Variants in EPB41 observed in about 807,000 individuals in gnomAD.
EPB41 encodes erythrocyte membrane protein band 4.1, also known as protein 4.1.
A neutral mutation model predicts 108.0 loss-of-function variants in EPB41; 65 were observed. The observed-to-expected ratio is 0.60, with a 90% confidence interval of 0.49 to 0.74. The LOEUF is 0.74. Ranked by LOEUF, EPB41 falls within the 30% of genes least tolerant of loss-of-function variation. The probability of loss-of-function intolerance (pLI) is 0.00; values close to 1 mark genes in which losing one functional copy is unlikely to be tolerated. For synonymous variants in EPB41, 336 were observed against 358.9 expected (o/e 0.94, Z 0.72); for missense variants, 875 against 1,037.0 (o/e 0.84, Z 2.15).
intron 1 of EPB41, among the ~76,000 whole-genome samples, chr1:28,946,343 G>A (rs530397507): frequency 5.3e-5 from 8 of 152,166 alleles, no homozygotes; most frequent in African/African-American, 1.7e-4. Flanking sequence ...TCCTGACCTC[G>A]TGATCCACCT....
intron 4 of EPB41, among the ~76,000 whole-genome samples, chr1:28,997,919 A>G (rs995797335): frequency 2.0e-5 from 3 of 152,186 alleles, no homozygotes; most frequent in Non-Finnish European, 4.4e-5. Flanking sequence ...TTACCTCAGA[A>G]CACTTTAATT....
chr1:29,068,658 T>C (rs1649665009), intron 16 of EPB41: 3 of 913,458 alleles, frequency 3.3e-6, no homozygotes, highest in African/African-American at 3.4e-5. Context: ...TCTCTGGGGA[T>C]ACCTCTTCCA....
At chr1:29,053,531 C>T in intron 12 of EPB41, 2 of 587,640 alleles carry the variant, frequency 3.4e-6, no homozygotes, top group South Asian at 4.2e-5. Flanking sequence ...ATAAGGTGAC[C>T]CACTCCTTGA....
At chr1:29,065,350 A>G in intron 16 of EPB41, 192 bp downstream of exon 16, 2 of 1,038,916 alleles carry the variant, frequency 1.9e-6, no homozygotes, top group Admixed American at 7.0e-5. Flanking sequence ...ACCCAGTGCA[A>G]TTATAGGAGC....
In EPB41 at chr1:29,000,819, AAC is replaced by A. The variant is rs565343382; in HGVS notation, c.786+3502_786+3503del. 2.9e-4 allele frequency among the ~76,000 whole-genome samples: 44 copies of A among 152,316 alleles called. No homozygotes were observed. In the East Asian group the frequency reaches 7.3e-3, roughly 25 times the overall value. ...AACCTCCAGCTCAGAAGTAAGTCAA[AAC>A]AGAGTGTTGTTTTTTTTTTTTAATT... On this transcript the variant is annotated intron_variant, in intron 4 of 20. Coordinates refer to ENST00000343067, the MANE Select transcript of EPB41 (RefSeq NM_001376013.1).
intron 1 of EPB41, among the ~76,000 whole-genome samples, chr1:28,948,721 C>T (rs976417582): frequency 5.3e-5 from 8 of 151,144 alleles, no homozygotes; most frequent in African/African-American, 1.5e-4. Flanking sequence ...GAGGCCAAGG[C>T]GGGCAGATCA....
At chr1:28,906,154 C>G (rs2091812271) in intron 1 of EPB41, among the ~76,000 whole-genome samples, 1 of 152,174 alleles carries the variant, frequency 6.6e-6, no homozygotes, top group South Asian at 2.1e-4. Context: ...AAAGTGCTCC[C>G]AGTCACCGGA....
At chr1:29,032,587 T>C (rs952179340) in intron 8 of EPB41, among the ~76,000 whole-genome samples, 45 of 152,208 alleles carry the variant, frequency 3.0e-4, no homozygotes, top group African/African-American at 9.9e-4. Context: ...AGGTGAAATT[T>C]ATTTTCTTTG....
intron 1 of EPB41, among the ~76,000 whole-genome samples, chr1:28,974,142 T>C (rs1243284555): frequency 6.6e-6 from 1 of 152,220 alleles, no homozygotes; most frequent in Non-Finnish European, 1.5e-5. Flanking sequence ...TAAAATAGAT[T>C]GCTCAGAACC....
intron 18 of EPB41, among the ~76,000 whole-genome samples, chr1:29,111,792 C>G (rs1669254702): frequency 6.6e-6 from 1 of 152,024 alleles, no homozygotes; most frequent in South Asian, 2.1e-4. Flanking sequence ...GCCTGGCCAA[C>G]ATAGTGAAAC....
chr1:28,953,018 T>G (rs2094800377), intron 1 of EPB41, among the ~76,000 whole-genome samples: 1 of 152,076 alleles, frequency 6.6e-6, no homozygotes, highest in Middle Eastern at 3.2e-3. Context: ...CATGAGCCAC[T>G]GCGCCCGGCC....
intron 4 of EPB41, among the ~76,000 whole-genome samples, chr1:29,010,735 C>T (rs1268199643): frequency 6.6e-6 from 1 of 152,062 alleles, no homozygotes; most frequent in Non-Finnish European, 1.5e-5. Context: ...TTGGCGTGGG[C>T]AAGAGTAGTT....
At chr1:28,960,621 T>C (rs2095169284) in intron 1 of EPB41, among the ~76,000 whole-genome samples, 1 of 150,652 alleles carries the variant, frequency 6.6e-6, no homozygotes, top group South Asian at 2.1e-4. Context: ...GATTTGCTCC[T>C]GTAGAGGCTG....
chr1:28,902,153 T>A, intron 1 of EPB41: 3 of 982,028 alleles, frequency 3.1e-6, no homozygotes, highest in Non-Finnish European at 3.6e-6. Flanking sequence ...AGAATCTCAA[T>A]AAATGTGTGA....
intron 11 of EPB41, among the ~76,000 whole-genome samples, chr1:29,044,164 G>A (rs948980887): frequency 2.0e-5 from 3 of 152,154 alleles, no homozygotes; most frequent in African/African-American, 7.2e-5. Flanking sequence ...CCTTATGTGT[G>A]GGGAATTATC....
chr1:28,941,568 C>T (rs2094286982), intron 1 of EPB41, among the ~76,000 whole-genome samples: 1 of 152,072 alleles, frequency 6.6e-6, no homozygotes, highest in African/African-American at 2.4e-5. Flanking sequence ...GATAGTTTTT[C>T]TGTAAAGAAA....
Position 28,997,274 on chromosome 1 carries a change from A to G in EPB41, c.741A>G (p.Glu247=), listed in dbSNP as rs749954369. 5 of 1,614,180 alleles carry G rather than the reference A, an allele frequency of 3.1e-6. No individual in the cohort carries two copies. Among genetic ancestry groups the G allele is most frequent in the Non-Finnish European group, 4.2e-6 (5 of 1,179,988 alleles). ...KRVCEHLNLL[E]EDYFGLAIWD... is the part of the protein sequence containing the mutation. ...TATGTGAGCATCTCAATCTTTTGGA[A>G]GAAGACTATTTTGGTCTAGCCATTT... The change falls in exon 4 of 21, where the codon GAA becomes GAG. Residue 247 remains glutamate (E), a synonymous_variant. Transcript: ENST00000343067.
chr1:28,926,767 G>A (rs543568512), intron 1 of EPB41, among the ~76,000 whole-genome samples: 11 of 152,334 alleles, frequency 7.2e-5, no homozygotes, highest in African/African-American at 2.6e-4. Context: ...GGAGATGGGA[G>A]AGAATAATCT....
At chr1:29,054,380 T>A (rs951786856) in intron 12 of EPB41, 1 of 152,166 alleles carries the variant, frequency 6.6e-6, no homozygotes, top group Non-Finnish European at 1.5e-5. Context: ...TACATTTTTA[T>A]ATGTCTGTTA....
Sources: allele counts gnomAD v4.1 joint callset (sites outside exome capture counted in the v4.1 genomes callset), GRCh38; gene constraint gnomAD v4.1.1; transcripts MANE v1.5; gene names NCBI Gene and HGNC (gene_info 2026-07-23, HGNC 2026-07-21).